The following L3MBTL4 variants were observed in gnomAD, a reference collection of about 807,000 sequenced individuals.
L3MBTL4 encodes the protein lethal(3)malignant brain tumor-like protein 4.
L3MBTL4 carries 70 observed loss-of-function variants against 84.5 expected under a neutral mutation model. The observed-to-expected ratio is 0.83, with a 90% CI of 0.68 to 1.01. The LOEUF (loss-of-function observed/expected upper bound fraction) is 1.01. L3MBTL4 is among the 50% of genes least tolerant of loss of function. The pLI, the probability that L3MBTL4 is intolerant of heterozygous loss-of-function variation, is 0.00. For synonymous variants in L3MBTL4, 274 were observed against 259.8 expected (o/e 1.05, Z -0.52); for missense variants, 715 against 754.8 (o/e 0.95, Z 0.62).
intron 16 of L3MBTL4, among the ~76,000 whole-genome samples, chr18:6,071,086 C>A (rs2057575663): frequency 6.6e-6 from 1 of 151,774 alleles, no homozygotes; most frequent in Non-Finnish European, 1.5e-5. Context: ...AAATAGAAAA[C>A]AATTATAGAG....
In L3MBTL4 at chr18:6,120,936, A is replaced by G. The variant is rs59605845; in HGVS notation, c.1199+17258T>C. Among the ~76,000 whole-genome samples the G allele has an allele frequency of 7.1e-3, 1,074 of 152,302 alleles. 13 individuals carry two copies. Among genetic ancestry groups the G allele is most frequent in the African/African-American group, 0.025 (1,021 of 41,568 alleles). On this transcript the variant is annotated intron_variant, in intron 14 of 18. Coordinates refer to ENST00000317931, the MANE Select transcript of L3MBTL4 (RefSeq NM_001330559.2). ...AGCGCTGCTACAAACATTCTGGTGC[A>G]TGTCTTTTGGTGAGCTGACGCACGT... is the stretch of plus-strand genomic sequence containing the variant.
intron 16 of L3MBTL4, among the ~76,000 whole-genome samples, chr18:5,970,486 G>T (rs1410223434): frequency 3.9e-5 from 6 of 152,140 alleles, no homozygotes; most frequent in Non-Finnish European, 7.3e-5. Context: ...TAATTATTTA[G>T]TTTAAATCTA....
intron 5 of L3MBTL4, among the ~76,000 whole-genome samples, chr18:6,253,117 G>A (rs768471061): frequency 3.9e-5 from 6 of 152,152 alleles, no homozygotes; most frequent in Admixed American, 1.3e-4. Context: ...CAGAAGAATC[G>A]CTTGAGCCTG....
chr18:6,298,022 C>T (rs1481279929), intron 4 of L3MBTL4, among the ~76,000 whole-genome samples: 3 of 152,162 alleles, frequency 2.0e-5, no homozygotes, highest in African/African-American at 4.8e-5. Flanking sequence ...AAATGGAATG[C>T]ACATGCTGAT....
At chr18:6,268,251 C>A (rs565394596) in intron 4 of L3MBTL4, among the ~76,000 whole-genome samples, 1 of 152,156 alleles carries the variant, frequency 6.6e-6, no homozygotes, top group South Asian at 2.1e-4. Flanking sequence ...ACTAAAAATA[C>A]CAAAAATTAG....
At chr18:6,158,495 C>T (rs1025290996) in intron 13 of L3MBTL4, among the ~76,000 whole-genome samples, 6 of 152,058 alleles carry the variant, frequency 3.9e-5, no homozygotes, top group Non-Finnish European at 7.4e-5. Context: ...AAGGAATAAG[C>T]GTAGTGAATG....
intron 5 of L3MBTL4, among the ~76,000 whole-genome samples, chr18:6,261,812 A>G (rs999165171): frequency 1.3e-5 from 2 of 152,180 alleles, no homozygotes; most frequent in Non-Finnish European, 2.9e-5. Context: ...GCTCTAGAAT[A>G]ATGTTAATAC....
At chr18:6,241,008 C>T (rs563806165) in intron 8 of L3MBTL4, among the ~76,000 whole-genome samples, 1 of 152,306 alleles carries the variant, frequency 6.6e-6, no homozygotes, top group Non-Finnish European at 1.5e-5. Context: ...CATTCAAAGC[C>T]TACTTAGAGT....
chr18:6,060,804 A>G (rs1185427683), intron 16 of L3MBTL4, among the ~76,000 whole-genome samples: 1 of 152,142 alleles, frequency 6.6e-6, no homozygotes, highest in Non-Finnish European at 1.5e-5. Flanking sequence ...GCAATATGCA[A>G]TTAAGGCTCC....
chr18:6,153,374 G>A (rs578065840), intron 13 of L3MBTL4, among the ~76,000 whole-genome samples: 2 of 152,088 alleles, frequency 1.3e-5, no homozygotes, highest in South Asian at 4.1e-4. Flanking sequence ...ATTTATTTTT[G>A]TCTTCTACAA....
intron 10 of L3MBTL4, among the ~76,000 whole-genome samples, chr18:6,235,377 T>C (rs2047176231): frequency 6.6e-6 from 1 of 152,038 alleles, no homozygotes; most frequent in African/African-American, 2.4e-5. Flanking sequence ...AAATTGTACA[T>C]GAATGCTTAC....
intron 1 of L3MBTL4, among the ~76,000 whole-genome samples, chr18:6,387,160 G>A (rs1367901519): frequency 6.6e-6 from 1 of 152,154 alleles, no homozygotes; most frequent in Non-Finnish European, 1.5e-5. Flanking sequence ...TACAGGCTGG[G>A]CCTGATCAAA....
intron 16 of L3MBTL4, among the ~76,000 whole-genome samples, chr18:6,038,249 A>ATTTTTTT (rs1466729036): frequency 1.1e-5 from 1 of 88,520 alleles, no homozygotes; most frequent in Non-Finnish European, 2.2e-5. Context: ...CCATTTCTGG[A>ATTTTTTT]TCTTTTTTTT....
At chr18:6,360,802 T>C (rs2053656629) in intron 1 of L3MBTL4, among the ~76,000 whole-genome samples, 1 of 151,926 alleles carries the variant, frequency 6.6e-6, no homozygotes, top group Non-Finnish European at 1.5e-5. Context: ...CCAGCCTGAG[T>C]AACATACCAA....
intron 16 of L3MBTL4, among the ~76,000 whole-genome samples, chr18:6,048,171 A>G (rs1196058738): frequency 6.6e-6 from 1 of 152,138 alleles, no homozygotes; most frequent in Non-Finnish European, 1.5e-5. Context: ...AATAGCTAGG[A>G]GTACCTAGGA....
At chr18:6,399,204 C>A (rs2055408491) in intron 1 of L3MBTL4, among the ~76,000 whole-genome samples, 1 of 152,140 alleles carries the variant, frequency 6.6e-6, no homozygotes, top group Non-Finnish European at 1.5e-5. Context: ...CGTTGGAAGG[C>A]CGAGGAGGGG....
At chr18:6,120,687 G>A (rs1370484440) in intron 14 of L3MBTL4, among the ~76,000 whole-genome samples, 2 of 152,040 alleles carry the variant, frequency 1.3e-5, no homozygotes, top group East Asian at 3.9e-4. Flanking sequence ...AGAGACTCAT[G>A]TTTCCTGCTT....
At chr18:6,368,993 G>C (rs2144146467) in intron 1 of L3MBTL4, among the ~76,000 whole-genome samples, 1 of 151,190 alleles carries the variant, frequency 6.6e-6, no homozygotes, top group South Asian at 2.1e-4. Context: ...AGTGAGCCGA[G>C]ATCTCGCCAC....
intron 4 of L3MBTL4, among the ~76,000 whole-genome samples, chr18:6,300,080 G>A (rs2050272050): frequency 1.3e-5 from 2 of 152,114 alleles, no homozygotes; most frequent in African/African-American, 4.8e-5. Flanking sequence ...TCTAAGACAT[G>A]AGGTAAGAGA....
Sources: gnomAD v4.1 joint callset for allele counts (sites outside exome capture counted in the v4.1 genomes callset) on GRCh38, gnomAD v4.1.1 for gene constraint, MANE v1.5 for transcripts, NCBI Gene and HGNC (gene_info 2026-07-23, HGNC 2026-07-21) for gene names.